Variants in ZNF438 observed in about 807,000 individuals in gnomAD.
The protein encoded by ZNF438 is zinc finger protein 438.
ZNF438 carries 25 observed loss-of-function variants against 38.0 expected under a neutral mutation model. The observed-to-expected ratio is 0.66, with a 90% CI of 0.48 to 0.92. ZNF438 has a LOEUF of 0.92. Among genes scored for constraint, ZNF438 ranks in the 40% least tolerant of loss-of-function variants. ZNF438 has a pLI of 0.00. For synonymous variants in ZNF438, 372 were observed against 364.1 expected, an observed-to-expected ratio of 1.02 and a Z score of -0.25; for missense variants, 1,007 against 999.6, an observed-to-expected ratio of 1.01 and a Z score of -0.10.
intron 1 of ZNF438, among the ~76,000 whole-genome samples, chr10:30,977,405 T>C (rs901332148): frequency 5.3e-5 from 8 of 152,206 alleles, no homozygotes; most frequent in African/African-American, 1.9e-4. Context: ...TTTCACAAGA[T>C]CATCTGTGGA....
chr10:30,988,459 T>G (rs976627553), intron 1 of ZNF438, among the ~76,000 whole-genome samples: 1 of 152,024 alleles, frequency 6.6e-6, no homozygotes, highest in African/African-American at 2.4e-5. Context: ...CTTAGTACTT[T>G]CTAATCTCCC....
intron 1 of ZNF438, among the ~76,000 whole-genome samples, chr10:30,949,514 T>G (rs2135735518): frequency 6.6e-6 from 1 of 152,338 alleles, no homozygotes; most frequent in South Asian, 2.1e-4. Flanking sequence ...CCATCTCATG[T>G]GCAGAGACAC....
chr10:30,982,023 T>C (rs1339941602), intron 1 of ZNF438, among the ~76,000 whole-genome samples: 3 of 152,166 alleles, frequency 2.0e-5, no homozygotes, highest in African/African-American at 7.2e-5. Flanking sequence ...TTTTTCTTGT[T>C]TGCTTGTTTT....
At chr10:30,900,559 TA>T (rs760607607) in intron 3 of ZNF438, among the ~76,000 whole-genome samples, 10 of 152,250 alleles carry the variant, frequency 6.6e-5, no homozygotes, top group Non-Finnish European at 1.3e-4. Context: ...AAGTATACGC[TA>T]ATTTCTTTAA....
At chr10:31,014,844 A>ATG (rs376981341) in intron 1 of ZNF438, among the ~76,000 whole-genome samples, 88 of 149,220 alleles carry the variant, frequency 5.9e-4, no homozygotes, top group Middle Eastern at 3.4e-3. Context: ...ATGTGTGTGT[A>ATG]TGTGTGTGTG....
rs185574921 is a variant in ZNF438 at position 30,967,318 on chromosome 10, A to G, written c.-191-25667T>C. 2.0e-5 allele frequency among the ~76,000 whole-genome samples: 3 copies of G among 152,354 alleles called. No homozygotes were observed. The East Asian group carries it at 5.8e-4, about 29-fold the overall frequency. ...GAAATAAGTATCTCCCCAACGCTCA[A>G]CTACAAACTTCTAACAGCTGACTAG... On this transcript the variant is annotated intron_variant, in intron 1 of 5. Transcript: ENST00000413025.
intron 4 of ZNF438, among the ~76,000 whole-genome samples, chr10:30,866,196 T>C (rs2036404883): frequency 2.0e-5 from 3 of 152,192 alleles, no homozygotes; most frequent in Admixed American, 1.3e-4. Context: ...TCAGAGTACA[T>C]GTCTGCTGCA....
chr10:30,964,071 CT>C (rs1358164151), intron 1 of ZNF438, among the ~76,000 whole-genome samples: 1 of 152,068 alleles, frequency 6.6e-6, no homozygotes, highest in Non-Finnish European at 1.5e-5. Context: ...TAGGTGGAAG[CT>C]TTTCTGAAAT....
intron 3 of ZNF438, among the ~76,000 whole-genome samples, chr10:30,901,327 G>T (rs2041954309): frequency 6.6e-6 from 1 of 152,128 alleles, no homozygotes; most frequent in Non-Finnish European, 1.5e-5. Context: ...TTTGTGTCCG[G>T]AATTGGTGGG....
chr10:31,015,813 A>C (rs1420494870), intron 1 of ZNF438, among the ~76,000 whole-genome samples: 1 of 152,188 alleles, frequency 6.6e-6, no homozygotes, highest in Non-Finnish European at 1.5e-5. Flanking sequence ...TCAAGTTCTG[A>C]TGAGGACCCT....
At chr10:30,845,436 C>G in exon 6 of ZNF438, 1 of 1,614,128 alleles carries the variant, frequency 6.2e-7, no homozygotes, top group Admixed American at 1.7e-5. Context: ...AATTTCCTCT[C>G]CATGAACATC....
intron 4 of ZNF438, among the ~76,000 whole-genome samples, chr10:30,854,099 GA>G (rs1280419265): frequency 6.6e-6 from 1 of 152,136 alleles, no homozygotes; most frequent in African/African-American, 2.4e-5. Flanking sequence ...ACAGGTGGAT[GA>G]CAAGGTCAGC....
chr10:30,936,356 T>G (rs1283255028), intron 2 of ZNF438, among the ~76,000 whole-genome samples: 6 of 152,186 alleles, frequency 3.9e-5, no homozygotes, highest in African/African-American at 1.4e-4. Flanking sequence ...TTTGGGTGAT[T>G]AGCAGAAATC....
chr10:30,889,500 AATTCAAGTG>A (rs1273130864), intron 3 of ZNF438, among the ~76,000 whole-genome samples: 55 of 152,130 alleles, frequency 3.6e-4, no homozygotes, highest in African/African-American at 1.3e-3. Context: ...CCACCTCCCG[AATTCAAGTG>A]ATTCTCCTGT....
chr10:30,849,367 T>C lies in ZNF438; in HGVS notation c.1038A>G (p.Leu346=), dbSNP rs1477586538. 5.6e-6 allele frequency: 9 copies of C among 1,614,104 alleles called. No homozygotes were observed. In the Admixed American group the frequency reaches 8.3e-5, roughly 15 times the overall value. Residue 346 remains leucine, a synonymous_variant, in exon 5 of 6, where the codon CTA becomes CTG. Transcript: ENST00000413025. Reference sequence around the variant, plus strand: ...TCTGCTGTGACACTTGTGGAACAGGTAGCCTGCTTGCCACCTTGGTGGCTG... The same window carrying C: ...TCTGCTGTGACACTTGTGGAACAGGCAGCCTGCTTGCCACCTTGGTGGCTG...
intron 3 of ZNF438, among the ~76,000 whole-genome samples, chr10:30,907,446 C>A (rs1177021058): frequency 6.6e-6 from 1 of 152,102 alleles, no homozygotes; most frequent in South Asian, 2.1e-4. Context: ...GGTATTAATT[C>A]TTTTCTAAAT....
chr10:30,932,292 C>T (rs1278933919), intron 2 of ZNF438, among the ~76,000 whole-genome samples: 1 of 151,930 alleles, frequency 6.6e-6, no homozygotes, highest in Non-Finnish European at 1.5e-5. Context: ...TACCTACTAT[C>T]CCTGGTTTTT....
chr10:30,969,061 G>A (rs1165783830), intron 1 of ZNF438, among the ~76,000 whole-genome samples: 1 of 152,002 alleles, frequency 6.6e-6, no homozygotes, highest in African/African-American at 2.4e-5. Flanking sequence ...TTTAAAATAT[G>A]GAATGGAATT....
chr10:30,962,142 C>A (rs2049568219), intron 1 of ZNF438, among the ~76,000 whole-genome samples: 1 of 146,792 alleles, frequency 6.8e-6, no homozygotes, highest in Non-Finnish European at 1.5e-5. Context: ...GCTCTGTCAA[C>A]TCCTGCTTGT....
Sources: gnomAD v4.1 joint callset for allele counts (sites outside exome capture counted in the v4.1 genomes callset) on GRCh38, gnomAD v4.1.1 for gene constraint, MANE v1.5 for transcripts, NCBI Gene and HGNC (gene_info 2026-07-23, HGNC 2026-07-21) for gene names.